ACADVL: variants seen among roughly 807,000 people sequenced by gnomAD.
ACADVL encodes the protein acyl-CoA dehydrogenase very long chain.
A neutral mutation model predicts 80.4 loss-of-function variants in ACADVL; 73 were observed. The ratio of observed to expected loss-of-function variants is 0.91; its 90% confidence interval spans 0.75 to 1.10. ACADVL has a LOEUF of 1.10. Among genes scored for constraint, ACADVL ranks in the 50% least tolerant of loss-of-function variants. ACADVL has a pLI of 0.00. For synonymous variants in ACADVL, 392 were observed against 326.5 expected (o/e 1.20, Z -2.16); for missense variants, 878 against 858.9 (o/e 1.02, Z -0.28).
upstream of ACADVL, chr17:7,217,238 T>C: frequency 1.7e-6 from 2 of 1,171,080 alleles, no homozygotes; most frequent in Non-Finnish European, 2.1e-6. Context: ...CCCTCCCCCC[T>C]CCGCACCCCA....
At chr17:7,217,256 AG>A (rs1448142533), upstream of ACADVL, 32 of 1,039,668 alleles carry the variant, frequency 3.1e-5, no homozygotes, top group East Asian at 8.2e-5. Context: ...CCACTTTTGC[AG>A]GGGGGGCCAG....
rs1555528737 is a variant in ACADVL at position 7,223,714 on chromosome 17, G to A, written c.1253G>A (p.Ser418Asn). The A allele has an allele frequency of 1.2e-6, 2 of 1,614,154 alleles. No homozygotes were observed. Among genetic ancestry groups the A allele is most frequent in the Non-Finnish European group, 1.7e-6 (2 of 1,180,044 alleles). ...GACTTCCAGATAGAGGCCGCCATCAGCAAAATCTTTGGCTCGGTGAGGTCC... is the reference window on the plus strand; with the variant it reads ...GACTTCCAGATAGAGGCCGCCATCAACAAAATCTTTGGCTCGGTGAGGTCC... ...ATDFQIEAAI[S>N]KIFGSEAAWK... The change falls in exon 12 of 20, where the codon AGC becomes AAC. Residue 418 changes from serine (S) to asparagine (N), a missense_variant. Physicochemically the swap from Ser to Asn is conservative, Grantham distance 46. Coordinates refer to ENST00000356839, the MANE Select transcript of ACADVL (RefSeq NM_000018.4).
At position 7,223,144 on chromosome 17, in the gene ACADVL, C is replaced by T. The variant is rs774273664; in HGVS notation, c.1089C>T (p.Ala363=). Reference sequence around the variant, plus strand: ...GGACCCTCTTCCAGGTAGATCATGCCACTAATCGTACCCAGTTTGGGGAGA... The same window carrying T: ...GGACCCTCTTCCAGGTAGATCATGCTACTAATCGTACCCAGTTTGGGGAGA... ...RGIIAKAVDH[A]TNRTQFGEKI... Residue 363 remains alanine (A), a synonymous_variant, in exon 11 of 20, where the codon GCC becomes GCT. Transcript: ENST00000356839. 6.2e-7 allele frequency: 1 copy of T among 1,613,578 alleles called. No individual in the cohort carries two copies.
intron 7 of ACADVL, 32 bp downstream of exon 7, chr17:7,221,714 G>A: frequency 6.2e-7 from 1 of 1,613,248 alleles, no homozygotes; most frequent in Non-Finnish European, 8.5e-7. Context: ...CAGGGATTGG[G>A]GGGCACACTG....
In ACADVL at chr17:7,222,214, A is replaced by G. The variant is rs1231343685; in HGVS notation, c.790A>G (p.Lys264Glu). ...GLADIFTVFAKTPVTDPATGA... is the reference protein window; with the variant it reads ...GLADIFTVFAETPVTDPATGA... ...AGCAGACATCTTCACGGTCTTTGCC[A>G]AGACACCAGTTACAGATCCAGCCAC... The change falls in exon 9 of 20, where the codon AAG (lysine) becomes GAG (glutamate). Residue 264 changes from lysine (K) to glutamate (E), a missense_variant. Coordinates refer to ENST00000356839, the MANE Select transcript of ACADVL (RefSeq NM_000018.4). The G allele has an allele frequency of 5.6e-6, 9 of 1,613,976 alleles. No individual in the cohort carries two copies. In the East Asian group the frequency reaches 2.0e-4, roughly 36 times the overall value.
chr17:7,221,249 C>A, intron 6 of ACADVL, 191 bp downstream of exon 6: 1 of 1,063,806 alleles, frequency 9.4e-7, no homozygotes, highest in Non-Finnish European at 1.3e-6. Context: ...AGCCATGGGC[C>A]TCACCCTGGT....
rs931018661 is a variant in ACADVL at position 7,225,010 on chromosome 17, G to A, written c.1881G>A (p.Gln627=). The A allele has an allele frequency of 9.3e-6, 15 of 1,613,994 alleles. No homozygotes were observed. The highest frequency in any genetic ancestry group is 3.3e-5 in the Admixed American group (2 of 60,010). The part of the protein sequence containing the change: ...GMAALQSDPW[Q]QELYRNFKSI... ...CCGCCCTGCAGTCTGACCCCTGGCA[G>A]CAAGAGCTCTACCGCAACTTCAAAA... The change falls in exon 20 of 20, where the codon CAG becomes CAA. Residue 627 remains glutamine, a synonymous_variant. Transcript: ENST00000356839.
At chr17:7,219,769 G>A (rs2071091258), upstream of ACADVL, 3 of 1,483,226 alleles carry the variant, frequency 2.0e-6, no homozygotes, top group South Asian at 2.6e-5. Flanking sequence ...AGGAGTTTGG[G>A]GGAGACGAGG....
chr17:7,217,624 G>A, upstream of ACADVL: 2 of 1,378,974 alleles, frequency 1.5e-6, no homozygotes, highest in South Asian at 1.3e-5. Flanking sequence ...GGGGAGAGAG[G>A]AGGAGAGAGG....
At chr17:7,221,247 G>T in intron 6 of ACADVL, 189 bp downstream of exon 6, 1 of 1,078,994 alleles carries the variant, frequency 9.3e-7, no homozygotes, top group South Asian at 1.5e-5. Context: ...TGAGCCATGG[G>T]CCTCACCCTG....
At chr17:7,223,045 C>CCAT in intron 10 of ACADVL, 88 bp from the exon 11 acceptor site, 1 of 1,486,194 alleles carries the variant, frequency 6.7e-7, no homozygotes, top group Non-Finnish European at 9.4e-7. Context: ...TATGCAAAAC[C>CCAT]CATCCCTCTG....
At chr17:7,220,344 A>G (rs980224720) in intron 2 of ACADVL, 120 bp from the exon 3 acceptor site, 1 of 1,553,562 alleles carries the variant, frequency 6.4e-7, no homozygotes, top group East Asian at 2.3e-5. Flanking sequence ...AGGGTGCCCT[A>G]GGGCGAAACT....
upstream of ACADVL, chr17:7,219,515 T>C: frequency 9.4e-7 from 1 of 1,068,754 alleles, no homozygotes; most frequent in Non-Finnish European, 1.1e-6. Flanking sequence ...GTACCCTCCC[T>C]TTTGTGTTGG....
rs1439560111 is a variant in ACADVL at position 7,220,209 on chromosome 17, C to G, written c.138+12C>G. 6.5e-7 allele frequency: 1 copy of G among 1,530,498 alleles called. No individual in the cohort carries two copies. Among genetic ancestry groups the G allele is most frequent in the Non-Finnish European group, 8.7e-7 (1 of 1,144,426 alleles). 94.8% of individuals were successfully genotyped at this position (1,530,498 alleles called of 1,614,324 possible). ...GGGGTGCCGCTCAGGTAAGTCACCG[C>G]AGCCTTGGCAAGGGGGTGTGGGAGC... On this transcript the variant is annotated intron_variant, in intron 2 of 19. Coordinates refer to ENST00000356839, the MANE Select transcript of ACADVL (RefSeq NM_000018.4).
At position 7,221,663 on chromosome 17, in the gene ACADVL, C is replaced by G. The variant is rs371407903; in HGVS notation, c.603C>G (p.Tyr201Ter). 1.9e-6 allele frequency: 3 copies of G among 1,613,778 alleles called. No homozygotes were observed. In the African/African-American group the frequency reaches 4.0e-5, roughly 22 times the overall value. Residue 201 changes from tyrosine to a stop codon, truncating the protein, a stop_gained, in exon 7 of 20, where the codon TAC becomes TAG. Transcript: ENST00000356839. LOFTEE classifies it high-confidence loss of function. ...LFGTKAQKEK[Y>*]LPKLASGETV... ...GCACAAAGGCCCAGAAAGAAAAATA[C>G]CTCCCCAAGCTGGCATCTGGTGAGG...
intron 6 of ACADVL, 145 bp from the exon 7 acceptor site, chr17:7,221,393 T>C: frequency 7.1e-7 from 1 of 1,410,048 alleles, no homozygotes; most frequent in South Asian, 1.2e-5. Context: ...ACTTCTTTTC[T>C]ACACACTGGG....
In ACADVL at chr17:7,220,061, A is replaced by G; in HGVS notation, c.62+15A>G. On this transcript the variant is annotated intron_variant, in intron 1 of 19. Transcript: ENST00000356839. Reference sequence around the variant, plus strand: ...GGGGGCGGAAGGTCTGTGTGTGACAAGAGGGACGGTGGGCAGCGGCCCTGG... The same window carrying G: ...GGGGGCGGAAGGTCTGTGTGTGACAGGAGGGACGGTGGGCAGCGGCCCTGG... The G allele has an allele frequency of 1.2e-6, 2 of 1,601,596 alleles. No individual in the cohort carries two copies. Among genetic ancestry groups the G allele is most frequent in the South Asian group, 1.1e-5 (1 of 90,560 alleles).
At chr17:7,222,441 G>A (rs1035346400) in intron 9 of ACADVL, 139 bp downstream of exon 9, 11 of 1,341,938 alleles carry the variant, frequency 8.2e-6, no homozygotes, top group African/African-American at 7.3e-5. Context: ...GGACTAATAT[G>A]TATGCAACTG....
In ACADVL at chr17:7,222,871, T is replaced by C; in HGVS notation, c.1077+6T>C. The C allele has an allele frequency of 6.2e-7, 1 of 1,610,428 alleles. No individual in the cohort carries two copies. Among genetic ancestry groups the C allele is most frequent in the Non-Finnish European group, 8.5e-7 (1 of 1,179,924 alleles). On this transcript the variant is annotated splice_donor_region_variant and intron_variant, in intron 10 of 19. Transcript: ENST00000356839. ...GAGGCATCATTGCTAAGGCGGTGAG[T>C]ACCCTGCCCGAGTCCCTAGGTAACC...
Sources: allele counts gnomAD v4.1 joint callset, GRCh38; gene constraint gnomAD v4.1.1; transcripts MANE v1.5; gene names NCBI Gene and HGNC (gene_info 2026-07-23, HGNC 2026-07-21).